ALOX12B: variants seen among roughly 807,000 people sequenced by gnomAD.
ALOX12B encodes arachidonate 12-lipoxygenase, 12R-type.
In ALOX12B, 47 loss-of-function variants were observed where a neutral mutation model predicts 78.9. The observed-to-expected ratio is 0.60, with a 90% CI of 0.47 to 0.76. The LOEUF is 0.76. Ranked by LOEUF, ALOX12B falls within the 30% of genes least tolerant of loss-of-function variation. The pLI is 0.00. For synonymous variants in ALOX12B, 370 were observed against 374.5 expected, an observed-to-expected ratio of 0.99 and a Z score of 0.14; for missense variants, 805 against 922.6, an observed-to-expected ratio of 0.87 and a Z score of 1.65.
rs1977204923 is a variant in ALOX12B at position 8,080,972 on chromosome 17, G to T, written c.439C>A (p.Arg147=). ...CTGGGCAGGCCAGGAAGAAAGACTC[G>T]CCAGCTGCAAGGGAAACCGAGATGT... ...IRAKQDFYHW[R]VFLPGLPSYV... is the part of the protein sequence containing the mutation. The change falls in exon 4 of 15, where the codon CGA becomes AGA. Residue 147 remains arginine, a synonymous_variant. Transcript: ENST00000647874. This position sits in a 1 kb window ranked among gnomAD's most constrained non-coding sequence, Gnocchi z 4.8. 2 of 1,613,866 alleles carry T rather than the reference G, an allele frequency of 1.2e-6. No homozygotes were observed. The highest frequency in any genetic ancestry group is 1.3e-5 in the African/African-American group (1 of 74,970).
intron 12 of ALOX12B, 127 bp from the exon 13 acceptor site, chr17:8,073,884 C>CCTGCGTG (rs1977032867): frequency 2.0e-5 from 15 of 764,468 alleles, no homozygotes; most frequent in Non-Finnish European, 3.5e-5. Flanking sequence ...TCCGTACCCT[C>CCTGCGTG]ATCCTGCCTG....
At position 8,075,611 on chromosome 17, in the gene ALOX12B, C is replaced by T. The variant is rs750011889; in HGVS notation, c.1638G>A (p.Leu546=). 1 of 1,614,184 alleles carries T rather than the reference C, an allele frequency of 6.2e-7. No individual in the cohort carries two copies. The highest frequency in any genetic ancestry group is 8.5e-7 in the Non-Finnish European group (1 of 1,180,038). ...GGCCCATACCTGAGCTCTCCCGCCC[C>T]AGGAGGCACTCTTTAAATATTTCCT... is the stretch of plus-strand genomic sequence containing the variant. The part of the protein sequence containing the change: ...WVQEIFKECL[L]GRESSGFPRC... The change falls in exon 12 of 15, where the codon CTG becomes CTA. Residue 546 remains leucine (L), a synonymous_variant. Coordinates refer to ENST00000647874, the MANE Select transcript of ALOX12B (RefSeq NM_001139.3).
rs780420901 is a variant in ALOX12B, at chr17:8,073,215, G to A, written c.1859C>T (p.Pro620Leu). 5 of 1,614,042 alleles carry A rather than the reference G, an allele frequency of 3.1e-6. No homozygotes were observed. The highest frequency in any genetic ancestry group is 1.3e-5 in the African/African-American group (1 of 74,912). Reference protein sequence around the residue: ...TTLETFMDTLPDVKTTCITLL... With the variant: ...TTLETFMDTLLDVKTTCITLL... ...CGTGATGCACGTGGTCTTCACATCC[G>A]GCAACGTGTCCATGAAGGTCTCCAG... The change falls in exon 14 of 15, where the codon CCG (proline) becomes CTG (leucine). Residue 620 changes from proline (P) to leucine (L), a missense_variant. Pro to Leu is a moderately conservative substitution (Grantham distance 98, BLOSUM62 -3). Coordinates refer to ENST00000647874, the MANE Select transcript of ALOX12B (RefSeq NM_001139.3).
At chr17:8,074,840 G>A (rs1977048647) in intron 12 of ALOX12B, among the ~76,000 whole-genome samples, 1 of 152,150 alleles carries the variant, frequency 6.6e-6, no homozygotes, top group African/African-American at 2.4e-5. Flanking sequence ...TGGCTTTCTC[G>A]ACTTTCCACA....
rs1274515381 is a variant in ALOX12B at position 8,079,912 on chromosome 17, T to C, written c.784A>G (p.Thr262Ala). The change falls in exon 7 of 15, where the codon ACC becomes GCC. Residue 262 changes from threonine to alanine, a missense_variant. Coordinates refer to ENST00000647874, the MANE Select transcript of ALOX12B (RefSeq NM_001139.3). This position sits in a 1 kb window ranked among gnomAD's most constrained non-coding sequence, Gnocchi z 6.4. ...TTGAGGTACTGGTACCCAAAGAAGG[T>C]GTCCTCTGCCCAGTGCTCGGCCACG... ...EYVAEHWAEDTFFGYQYLNGV... is the reference protein window; with the variant it reads ...EYVAEHWAEDAFFGYQYLNGV... 12 of 1,612,790 alleles carry C rather than the reference T, an allele frequency of 7.4e-6. No individual in the cohort carries two copies. Among genetic ancestry groups the C allele is most frequent in the South Asian group, 1.1e-5 (1 of 90,980 alleles).
intron 8 of ALOX12B, among the ~76,000 whole-genome samples, chr17:8,077,700 C>CTGGGA (rs1977117461): frequency 2.6e-5 from 4 of 152,212 alleles, no homozygotes; most frequent in African/African-American, 9.7e-5. Context: ...AGGAAACACC[C>CTGGGA]AGTTCCTTCC....
rs748201319 is a variant in ALOX12B at position 8,080,145 on chromosome 17, C to G, written c.754+90G>C. ...GCGCGCGCGCGCCTCGCTGCCTCTC[C>G]CGTCCCACTGCCCCGAAGTCGGGGG... On this transcript the variant is annotated intron_variant, in intron 6 of 14. Transcript: ENST00000647874. The surrounding 1 kb of genome is among the most constrained non-coding windows in gnomAD (Gnocchi z 4.8). 5 of 1,512,186 alleles carry G rather than the reference C, an allele frequency of 3.3e-6. No individual in the cohort carries two copies. The highest frequency in any genetic ancestry group is 1.1e-5 in the South Asian group (1 of 88,808). 93.7% of individuals were successfully genotyped at this position (1,512,186 alleles called of 1,614,324 possible).
intron 8 of ALOX12B, among the ~76,000 whole-genome samples, chr17:8,078,894 C>CTTTT (rs398030274): frequency 3.5e-5 from 4 of 115,294 alleles, no homozygotes; most frequent in Non-Finnish European, 5.4e-5. Context: ...AATACTGGGA[C>CTTTT]TTTTTTTTTT....
At position 8,079,884 on chromosome 17, in the gene ALOX12B, C is replaced by A; in HGVS notation, c.812G>T (p.Gly271Val). The A allele has an allele frequency of 6.2e-7, 1 of 1,613,360 alleles. No individual in the cohort carries two copies. Among genetic ancestry groups the A allele is most frequent in the Non-Finnish European group, 8.5e-7 (1 of 1,179,910 alleles). The change falls in exon 7 of 15, where the codon GGC becomes GTC. Residue 271 changes from glycine to valine, a missense_variant. Coordinates refer to ENST00000647874, the MANE Select transcript of ALOX12B (RefSeq NM_001139.3). The surrounding 1 kb of genome is among the most constrained non-coding windows in gnomAD (Gnocchi z 6.4). ...GCGGCGGATCAGGCCGGGGTTGACG[C>A]CGTTGAGGTACTGGTACCCAAAGAA... Reference protein sequence around the residue: ...DTFFGYQYLNGVNPGLIRRCT... With the variant: ...DTFFGYQYLNVVNPGLIRRCT...
chr17:8,081,166 G>T lies in ALOX12B; in HGVS notation c.374C>A (p.Ser125Ter). The T allele has an allele frequency of 6.2e-7, 1 of 1,613,926 alleles. No individual in the cohort carries two copies. Among genetic ancestry groups the T allele is most frequent in the East Asian group, 2.2e-5 (1 of 44,858 alleles). The change falls in exon 3 of 15, where the codon TCG becomes TAG. Residue 125 changes from serine (S) to a stop codon, truncating the protein, a stop_gained. Coordinates refer to ENST00000647874, the MANE Select transcript of ALOX12B (RefSeq NM_001139.3). LOFTEE classifies it high-confidence loss of function. ...EATGKTTADD[S>*]LPVLLEHRKE... ...TCTGTGCTCCAGGAGGACGGGGAGC[G>T]AGTCATCTGCTGTTGTCTTTCCTGT...
In ALOX12B at chr17:8,073,208, C is replaced by T; in HGVS notation, c.1866G>A (p.Val622=). 6.2e-7 allele frequency: 1 copy of T among 1,614,186 alleles called. No individual in the cohort carries two copies. The highest frequency in any genetic ancestry group is 8.5e-7 in the Non-Finnish European group (1 of 1,180,028). ...LETFMDTLPD[V]KTTCITLLVL... ...CCAGCAGCGTGATGCACGTGGTCTT[C>T]ACATCCGGCAACGTGTCCATGAAGG... The change falls in exon 14 of 15, where the codon GTG becomes GTA. Residue 622 remains valine, a synonymous_variant. Coordinates refer to ENST00000647874, the MANE Select transcript of ALOX12B (RefSeq NM_001139.3).
chr17:8,073,367 G>A (rs1290505417), intron 13 of ALOX12B, 49 bp from the exon 14 acceptor site: 3 of 1,610,766 alleles, frequency 1.9e-6, no homozygotes, highest in Non-Finnish European at 1.7e-6. Context: ...TACCTCAGGA[G>A]TTTCCTTCCA....
chr17:8,080,119 GGCGC>G lies in ALOX12B; in HGVS notation c.754+112_754+115del. The stretch of plus-strand genomic sequence containing the variant: ...GACATTTTCCAAGAAGCCGCCAGAG[GGCGC>G]GCGCGCGCCTCGCTGCCTCTCCCGT... On this transcript the variant is annotated intron_variant, in intron 6 of 14. Transcript: ENST00000647874. The surrounding 1 kb of genome is among the most constrained non-coding windows in gnomAD (Gnocchi z 4.8). 6.8e-7 allele frequency: 1 copy of G among 1,468,640 alleles called. No individual in the cohort carries two copies. Among genetic ancestry groups the G allele is most frequent in the East Asian group, 2.3e-5 (1 of 44,132 alleles). The allele number at this position is 1,468,640 out of a possible 1,614,324, so 91.0% of individuals were successfully genotyped here.
At chr17:8,086,335 T>TCAGTCCAGGGAGGTGA in intron 1 of ALOX12B, 115 bp from the exon 2 acceptor site, 1 of 1,040,898 alleles carries the variant, frequency 9.6e-7, no homozygotes, top group Non-Finnish European at 1.5e-6. Context: ...CTCACCTCCC[T>TCAGTCCAGGGAGGTGA]GGACTGACGG....
Position 8,075,645 on chromosome 17 carries a change from G to A in ALOX12B, c.1604C>T (p.Ser535Phe). Reference sequence around the variant, plus strand: ...CTCTTTAAATATTTCCTGCACCCAAGACTGCAATTCCGGATCACCCTCCAC... The same window carrying A: ...CTCTTTAAATATTTCCTGCACCCAAAACTGCAATTCCGGATCACCCTCCAC... The part of the protein sequence containing the change: ...AAVEGDPELQ[S>F]WVQEIFKECL... Residue 535 changes from serine (S) to phenylalanine (F), a missense_variant, in exon 12 of 15, where the codon TCT (serine) becomes TTT (phenylalanine). Coordinates refer to ENST00000647874, the MANE Select transcript of ALOX12B (RefSeq NM_001139.3). The A allele has an allele frequency of 6.2e-7, 1 of 1,614,132 alleles. No homozygotes were observed. The highest frequency in any genetic ancestry group is 8.5e-7 in the Non-Finnish European group (1 of 1,180,036).
At position 8,080,156 on chromosome 17, in the gene ALOX12B, C is replaced by T; in HGVS notation, c.754+79G>A. The T allele has an allele frequency of 1.3e-6, 2 of 1,540,674 alleles. No homozygotes were observed. Among genetic ancestry groups the T allele is most frequent in the Non-Finnish European group, 1.8e-6 (2 of 1,113,656 alleles). ...CCTCGCTGCCTCTCCCGTCCCACTGCCCCGAAGTCGGGGGCCTGCCTAGCA... is the reference window on the plus strand; with the variant it reads ...CCTCGCTGCCTCTCCCGTCCCACTGTCCCGAAGTCGGGGGCCTGCCTAGCA... On this transcript the variant is annotated intron_variant, in intron 6 of 14. Transcript: ENST00000647874. The surrounding 1 kb of genome is among the most constrained non-coding windows in gnomAD (Gnocchi z 4.8).
chr17:8,086,351 C>A, intron 1 of ALOX12B, 131 bp from the exon 2 acceptor site: 1 of 920,126 alleles, frequency 1.1e-6, no homozygotes, highest in Non-Finnish European at 1.7e-6. Flanking sequence ...GACGGAGGGA[C>A]AGGATATTGA....
chr17:8,085,964 T>A (rs1030032540), intron 2 of ALOX12B, 52 bp downstream of exon 2: 8 of 1,600,712 alleles, frequency 5.0e-6, no homozygotes, highest in African/African-American at 1.3e-5. Context: ...GGTAGCAGGC[T>A]GGAGCTAGAG....
rs1416926079 is a variant in ALOX12B at position 8,079,169 on chromosome 17, T to C, written c.1071+227A>G. On this transcript the variant is annotated intron_variant, in intron 8 of 14. Coordinates refer to ENST00000647874, the MANE Select transcript of ALOX12B (RefSeq NM_001139.3). This position sits in a 1 kb window ranked among gnomAD's most constrained non-coding sequence, Gnocchi z 6.4. Reference sequence around the variant, plus strand: ...GCCTCGGCCTCCCAAAGTGCTGGGATTACAGGCGTGAGCCACCGCGTCCGG... The same window carrying C: ...GCCTCGGCCTCCCAAAGTGCTGGGACTACAGGCGTGAGCCACCGCGTCCGG... 6.6e-6 allele frequency among the ~76,000 whole-genome samples: 1 copy of C among 151,856 alleles called. No homozygotes were observed. The highest frequency in any genetic ancestry group is 1.5e-5 in the Non-Finnish European group (1 of 67,968).
Sources: allele counts gnomAD v4.1 joint callset (sites outside exome capture counted in the v4.1 genomes callset), GRCh38; gene constraint gnomAD v4.1.1; non-coding constraint Gnocchi (gnomAD v3.1); transcripts MANE v1.5; gene names NCBI Gene and HGNC (gene_info 2026-07-23, HGNC 2026-07-21).